Variants in DCDC1 observed in about 807,000 individuals in gnomAD.
DCDC1 encodes the protein doublecortin domain-containing protein 1.
DCDC1 carries 200 observed loss-of-function variants against 178.3 expected under a neutral mutation model. The observed-to-expected ratio is 1.12, with a 90% CI of 1.00 to 1.26. DCDC1 has a LOEUF of 1.26. DCDC1 is among the 50% of genes most tolerant of loss of function. The probability of loss-of-function intolerance (pLI) is 0.00; values close to 1 mark genes in which losing one functional copy is unlikely to be tolerated. For synonymous variants in DCDC1, 690 were observed against 604.8 expected (o/e 1.14, Z -2.07); for missense variants, 1,983 against 1,749.2 (o/e 1.13, Z -2.38).
chr11:31,368,531 G>T (rs920819048), intron 1 of DCDC1, among the ~76,000 whole-genome samples: 1 of 152,162 alleles, frequency 6.6e-6, no homozygotes, highest in Non-Finnish European at 1.5e-5. Flanking sequence ...GATGCTCTTT[G>T]TATCTGCCTT....
chr11:31,192,693 A>G (rs1020483588), intron 9 of DCDC1, among the ~76,000 whole-genome samples: 1 of 152,072 alleles, frequency 6.6e-6, no homozygotes, highest in African/African-American at 2.4e-5. Flanking sequence ...TGCTACAGCA[A>G]TTGTTGCAGC....
chr11:31,167,668 T>A (rs1966849138), intron 9 of DCDC1, among the ~76,000 whole-genome samples: 1 of 152,184 alleles, frequency 6.6e-6, no homozygotes, highest in Non-Finnish European at 1.5e-5. Flanking sequence ...CACAGACTCC[T>A]GATCACATTT....
chr11:31,286,408 A>G (rs1946842852), intron 7 of DCDC1, among the ~76,000 whole-genome samples: 1 of 152,054 alleles, frequency 6.6e-6, no homozygotes, highest in Non-Finnish European at 1.5e-5. Flanking sequence ...ATATAACACT[A>G]TATTATTATA....
intron 17 of DCDC1, among the ~76,000 whole-genome samples, chr11:31,079,738 G>T (rs1168748848): frequency 6.6e-6 from 1 of 152,268 alleles, no homozygotes; most frequent in East Asian, 1.9e-4. Flanking sequence ...TGAAGTGTAT[G>T]AAGTAGAGAA....
chr11:31,287,203 C>T (rs1946896977), intron 7 of DCDC1, among the ~76,000 whole-genome samples: 1 of 151,002 alleles, frequency 6.6e-6, no homozygotes, highest in African/African-American at 2.4e-5. Context: ...AAAGCAATGC[C>T]CCCACCCTGC....
At position 30,938,441 on chromosome 11, in the gene DCDC1, C is replaced by T. The variant is rs117257584; in HGVS notation, c.2716-6489G>A. Among the ~76,000 whole-genome samples the T allele has an allele frequency of 4.4e-3, 675 of 152,304 alleles. 4 individuals are homozygous for T. The highest frequency in any genetic ancestry group is 7.9e-3 in the Non-Finnish European group (539 of 68,024). On this transcript the variant is annotated intron_variant, in intron 21 of 38. Transcript: ENST00000684477. ...AGTTGTGCAGCTGGCTCTCCCCTGC[C>T]TTCAGGGTCAGCAGCTTAACTCCTT...
chr11:31,193,815 G>A (rs1021593649), intron 9 of DCDC1, among the ~76,000 whole-genome samples: 1 of 152,082 alleles, frequency 6.6e-6, no homozygotes, highest in Non-Finnish European at 1.5e-5. Flanking sequence ...TTGCTTACTT[G>A]ATTCTACCAA....
intron 9 of DCDC1, among the ~76,000 whole-genome samples, chr11:31,212,318 C>G (rs1047917777): frequency 1.8e-4 from 28 of 151,872 alleles, no homozygotes; most frequent in African/African-American, 6.8e-4. Flanking sequence ...AAACAAGAAA[C>G]TATTTTTTTA....
At chr11:31,338,228 T>G (rs1950368272) in intron 1 of DCDC1, among the ~76,000 whole-genome samples, 1 of 152,204 alleles carries the variant, frequency 6.6e-6, no homozygotes, top group African/African-American at 2.4e-5. Flanking sequence ...ACTCTTGTGT[T>G]AATCCTATTC....
chr11:30,997,747 G>A (rs868606970), intron 20 of DCDC1, among the ~76,000 whole-genome samples: 100 of 152,176 alleles, frequency 6.6e-4, no homozygotes, highest in African/African-American at 2.4e-3. Flanking sequence ...TGAACCCATG[G>A]TGCTGGATTA....
intron 8 of DCDC1, among the ~76,000 whole-genome samples, chr11:31,250,668 A>G (rs1943963142): frequency 6.6e-6 from 1 of 151,782 alleles, no homozygotes; most frequent in African/African-American, 2.4e-5. Flanking sequence ...AGGCATTTTT[A>G]GAGCACCCAA....
At chr11:31,080,115 T>A (rs1174441546) in intron 17 of DCDC1, among the ~76,000 whole-genome samples, 1 of 152,190 alleles carries the variant, frequency 6.6e-6, no homozygotes, top group Non-Finnish European at 1.5e-5. Flanking sequence ...GATCTTTCTA[T>A]ATTATAATTA....
chr11:31,104,217 G>C (rs2135750738), intron 13 of DCDC1, among the ~76,000 whole-genome samples: 1 of 152,128 alleles, frequency 6.6e-6, no homozygotes, highest in East Asian at 1.9e-4. Context: ...ATTACATATT[G>C]TTAGGCACAC....
intron 9 of DCDC1, among the ~76,000 whole-genome samples, chr11:31,207,039 T>C (rs1287912645): frequency 6.6e-6 from 1 of 152,206 alleles, no homozygotes; most frequent in Non-Finnish European, 1.5e-5. Flanking sequence ...ATTACAAAGA[T>C]TTAGTACTAC....
rs188181893 is a variant in DCDC1 at position 31,040,575 on chromosome 11, G to C, written c.2591+23894C>G. 1.4e-4 allele frequency among the ~76,000 whole-genome samples: 21 copies of C among 152,256 alleles called. No homozygotes were observed. The East Asian group carries it at 4.1e-3, about 29-fold the overall frequency. ...ATTTCAAACATGATTCTAACTGATA[G>C]CCATAAAAGGTTCAAATATTTTCTA... On this transcript the variant is annotated intron_variant, in intron 20 of 38. Coordinates refer to ENST00000684477, the MANE Select transcript of DCDC1 (RefSeq NM_001387274.1).
chr11:31,022,688 G>GTGT (rs1952963262), intron 20 of DCDC1, among the ~76,000 whole-genome samples: 9 of 85,998 alleles, frequency 1.0e-4, no homozygotes, highest in Admixed American at 3.6e-4. Context: ...TGTGTGTGTG[G>GTGT]TATGTGTTTA....
intron 9 of DCDC1, among the ~76,000 whole-genome samples, chr11:31,139,021 G>T (rs1382536870): frequency 6.6e-6 from 1 of 151,760 alleles, no homozygotes. Context: ...AATATTTTAG[G>T]CTTTATGGGG....
chr11:31,150,139 G>A (rs998017395), intron 9 of DCDC1, among the ~76,000 whole-genome samples: 3 of 152,060 alleles, frequency 2.0e-5, no homozygotes, highest in African/African-American at 7.2e-5. Context: ...GAAGTAATGT[G>A]GCATCTCTCA....
At chr11:30,903,810 T>G (rs1245477920) in intron 31 of DCDC1, 127 bp from the exon 32 acceptor site, 26 of 816,306 alleles carry the variant, frequency 3.2e-5, no homozygotes, top group Non-Finnish European at 4.4e-5. Context: ...GAAAGCTGAA[T>G]TACTAATGAT....
Sources: gnomAD v4.1 joint callset for allele counts (sites outside exome capture counted in the v4.1 genomes callset) on GRCh38, gnomAD v4.1.1 for gene constraint, MANE v1.5 for transcripts, NCBI Gene and HGNC (gene_info 2026-07-23, HGNC 2026-07-21) for gene names.